Variants in KCNG1 observed in about 807,000 individuals in gnomAD.
KCNG1 encodes the protein potassium voltage-gated channel modifier subfamily G member 1.
KCNG1 carries 17 observed loss-of-function variants against 32.4 expected under a neutral mutation model. That is an observed-to-expected ratio of 0.52 (90% CI 0.36 to 0.79). The LOEUF is 0.79. Among genes scored for constraint, KCNG1 ranks in the 30% least tolerant of loss-of-function variants. The probability of loss-of-function intolerance (pLI) is 0.00; values close to 1 mark genes in which losing one functional copy is unlikely to be tolerated. For missense variants in KCNG1, 441 were observed against 735.2 expected, an observed-to-expected ratio of 0.60 and a Z score of 4.63; for synonymous variants, 358 against 339.9, an observed-to-expected ratio of 1.05 and a Z score of -0.59.
At chr20:51,008,961 A>T (rs1987946964) in intron 2 of KCNG1, among the ~76,000 whole-genome samples, 1 of 151,994 alleles carries the variant, frequency 6.6e-6, no homozygotes, top group Admixed American at 6.6e-5. Context: ...GCTCCCGTGA[A>T]CTCCCAGATG....
chr20:51,009,102 A>G (rs1987953613), intron 2 of KCNG1, among the ~76,000 whole-genome samples: 1 of 152,230 alleles, frequency 6.6e-6, no homozygotes, highest in African/African-American at 2.4e-5. Flanking sequence ...ATCAATAAAA[A>G]TTATCTTCAG....
In KCNG1 at chr20:51,015,392, G is replaced by C. The variant is rs1439274489; in HGVS notation, c.-26-5028C>G. ...AGAAGAAGCAGCTGGCAAAATCCAG[G>C]AGAGAGGGGGGAGATGGGTGTCTCC... On this transcript the variant is annotated intron_variant, in intron 1 of 2. Coordinates refer to ENST00000371571, the MANE Select transcript of KCNG1 (RefSeq NM_002237.4). This position sits in a 1 kb window ranked among gnomAD's most constrained non-coding sequence, Gnocchi z 4.4. 6.6e-6 allele frequency among the ~76,000 whole-genome samples: 1 copy of C among 152,198 alleles called. No individual in the cohort carries two copies. The highest frequency in any genetic ancestry group is 2.4e-5 in the African/African-American group (1 of 41,434).
intron 1 of KCNG1, 122 bp downstream of exon 1, chr20:51,022,748 C>A (rs1988527524): frequency 6.6e-6 from 1 of 152,264 alleles, no homozygotes; most frequent in South Asian, 2.1e-4. Flanking sequence ...GGTTTCGAGG[C>A]CCCCGCAGGG....
rs1345447090 is a variant in KCNG1, at chr20:51,004,228, G to A, written c.1353C>T (p.Leu451=). 4 of 1,614,016 alleles carry A rather than the reference G, an allele frequency of 2.5e-6. No homozygotes were observed. The highest frequency in any genetic ancestry group is 3.4e-6 in the Non-Finnish European group (4 of 1,180,022). The change falls in exon 3 of 3, where the codon CTC becomes CTT. Residue 451 remains leucine (L), a synonymous_variant. Coordinates refer to ENST00000371571, the MANE Select transcript of KCNG1 (RefSeq NM_002237.4). The surrounding 1 kb of genome is among the most constrained non-coding windows in gnomAD (Gnocchi z 4.3). ...AGATGGAGGTGACTGGGAAGGCCAT[G>A]AGCAGGATGCCGCTCAGGATGCTGC... is the stretch of plus-strand genomic sequence containing the variant. ...ALSSILSGIL[L]MAFPVTSIFH...
chr20:51,004,777 G>A lies in KCNG1; in HGVS notation c.804C>T (p.Val268=). 1 of 1,582,956 alleles carries A rather than the reference G, an allele frequency of 6.3e-7. No homozygotes were observed. The highest frequency in any genetic ancestry group is 8.6e-7 in the Non-Finnish European group (1 of 1,161,774). ...CCACGCACACCGACTCCACGATGAA[G>A]ACGTTGTGGCACATCTGGGAACAGT... is the stretch of plus-strand genomic sequence containing the variant. The part of the protein sequence containing the change: ...QGHCSQMCHN[V]FIVESVCVGW... The change falls in exon 3 of 3, where the codon GTC becomes GTT. Residue 268 remains valine, a synonymous_variant. Coordinates refer to ENST00000371571, the MANE Select transcript of KCNG1 (RefSeq NM_002237.4). This position sits in a 1 kb window ranked among gnomAD's most constrained non-coding sequence, Gnocchi z 4.3.
At chr20:51,007,758 C>A (rs1477579428) in intron 2 of KCNG1, among the ~76,000 whole-genome samples, 1 of 152,154 alleles carries the variant, frequency 6.6e-6, no homozygotes, top group East Asian at 1.9e-4. Flanking sequence ...ACAGTGTAAT[C>A]TTAGCACTTT....
rs17791052 is a variant in KCNG1 at position 51,004,669 on chromosome 20, G to A, written c.912C>T (p.Ile304=). ...AGTAGGGCAGGATGGCCACCAGGTC[G>A]ATCAGCGTCAGCGGGCTCCGCAGGA... ...FAFLRSPLTL[I]DLVAILPYYI... The change falls in exon 3 of 3, where the codon ATC becomes ATT. Residue 304 remains isoleucine (I), a synonymous_variant. Transcript: ENST00000371571. This position sits in a 1 kb window ranked among gnomAD's most constrained non-coding sequence, Gnocchi z 4.3. The A allele has an allele frequency of 2.5e-6, 4 of 1,602,996 alleles. No homozygotes were observed. The highest frequency in any genetic ancestry group is 2.2e-5 in the South Asian group (2 of 89,272).
At chr20:51,010,940 A>C (rs1988070797) in intron 1 of KCNG1, among the ~76,000 whole-genome samples, 1 of 151,714 alleles carries the variant, frequency 6.6e-6, no homozygotes, top group Middle Eastern at 3.2e-3. Flanking sequence ...AAAAAAAAGA[A>C]GAAGAGGAAG....
Position 51,010,204 on chromosome 20 carries a change from C to A in KCNG1, c.135G>T (p.Arg45=). 2 of 1,588,024 alleles carry A rather than the reference C, an allele frequency of 1.3e-6. No individual in the cohort carries two copies. Among genetic ancestry groups the A allele is most frequent in the Non-Finnish European group, 1.7e-6 (2 of 1,169,232 alleles). Residue 45 remains arginine, a synonymous_variant, in exon 2 of 3, where the codon CGG becomes CGT. Coordinates refer to ENST00000371571, the MANE Select transcript of KCNG1 (RefSeq NM_002237.4). The stretch of plus-strand genomic sequence containing the variant: ...GGCGGGGCTCATCCTGCGGCCGCAG[C>A]CGCTGCGCCCGGCGGTAGAACGCGC... ...IKGAFYRRAQ[R]LRPQDEPRQG...
intron 2 of KCNG1, among the ~76,000 whole-genome samples, chr20:51,007,425 A>T (rs984904464): frequency 1.3e-5 from 2 of 152,022 alleles, no homozygotes; most frequent in Non-Finnish European, 2.9e-5. Flanking sequence ...ACCTAAAGTG[A>T]TCCACCCGCC....
At position 51,009,649 on chromosome 20, in the gene KCNG1, G is replaced by C. The variant is rs1226183792; in HGVS notation, c.690C>G (p.Ala230=). ...CGGTCACGAAGAGCACCGACAGGCA[G>C]GCGAACACCTTGCCAGGCAGCCCCG... ...PHSGLPGKVF[A]CLSVLFVTVT... is the part of the protein sequence containing the mutation. Residue 230 remains alanine (A), a synonymous_variant, in exon 2 of 3, where the codon GCC becomes GCG. Transcript: ENST00000371571. The C allele has an allele frequency of 6.2e-7, 1 of 1,607,258 alleles. No homozygotes were observed. The highest frequency in any genetic ancestry group is 8.5e-7 in the Non-Finnish European group (1 of 1,179,264).
intron 2 of KCNG1, among the ~76,000 whole-genome samples, chr20:51,008,424 G>A (rs921211795): frequency 1.3e-5 from 2 of 152,158 alleles, no homozygotes; most frequent in African/African-American, 4.8e-5. Context: ...TTACCTCCCA[G>A]GCTCAAGCAA....
At position 51,010,210 on chromosome 20, in the gene KCNG1, C is replaced by T. The variant is rs1245527335; in HGVS notation, c.129G>A (p.Ala43=). The T allele has an allele frequency of 6.3e-7, 1 of 1,583,730 alleles. No homozygotes were observed. The change falls in exon 2 of 3, where the codon GCG becomes GCA. Residue 43 remains alanine, a synonymous_variant. Transcript: ENST00000371571. ...QAIKGAFYRR[A]QRLRPQDEPR... Reference sequence around the variant, plus strand: ...GCTCATCCTGCGGCCGCAGCCGCTGCGCCCGGCGGTAGAACGCGCCCTTGA... The same window carrying T: ...GCTCATCCTGCGGCCGCAGCCGCTGTGCCCGGCGGTAGAACGCGCCCTTGA...
intron 2 of KCNG1, 77 bp downstream of exon 2, chr20:51,009,488 C>T (rs372633725): frequency 2.1e-6 from 3 of 1,455,198 alleles, no homozygotes; most frequent in African/African-American, 2.8e-5. Flanking sequence ...TCAGAGGAGG[C>T]TTTCTGGAGG....
In KCNG1 at chr20:51,006,058, TG is replaced by T. The variant is rs550925281; in HGVS notation, c.775-1253del. 405 of 147,846 alleles carry T rather than the reference TG, an allele frequency of 2.7e-3. 2 individuals are homozygous for T. The highest frequency in any genetic ancestry group is 8.6e-3 in the African/African-American group (346 of 40,326). The allele number at this position is 147,846 out of a possible 1,614,324, so 9.2% of individuals were successfully genotyped here. On this transcript the variant is annotated intron_variant, in intron 2 of 2. Transcript: ENST00000371571. ...GGCTTGTGTCTCCTGCTTATGGTGA[TG>T]GGGGGGGTGGGTGGTGCCACTACTC...
At chr20:51,016,730 C>T (rs755687637) in intron 1 of KCNG1, among the ~76,000 whole-genome samples, 1 of 152,210 alleles carries the variant, frequency 6.6e-6, no homozygotes, top group Non-Finnish European at 1.5e-5. Flanking sequence ...CCATGCCTGA[C>T]GCTGAGTGAA....
intron 1 of KCNG1, among the ~76,000 whole-genome samples, chr20:51,019,729 C>T (rs1013451212): frequency 2.0e-5 from 3 of 152,020 alleles, no homozygotes; most frequent in Non-Finnish European, 4.4e-5. Flanking sequence ...GGGACCCGTC[C>T]GTCTCTCTCC....
chr20:51,004,525 G>T lies in KCNG1; in HGVS notation c.1056C>A (p.Tyr352Ter). Residue 352 changes from tyrosine to a stop codon, truncating the protein, a stop_gained, in exon 3 of 3, where the codon TAC (tyrosine) becomes TAA (stop). Transcript: ENST00000371571. LOFTEE classifies it high-confidence loss of function. This position sits in a 1 kb window ranked among gnomAD's most constrained non-coding sequence, Gnocchi z 4.3. ...LRVLRALRILYVMRLARHSLG... is the reference protein window; with the variant it reads ...LRVLRALRIL ...GGGAGTGGCGCGCCAGGCGCATCACGTACAGGATGCGCAGCGCCCGCAGCA... is the reference window on the plus strand; with the variant it reads ...GGGAGTGGCGCGCCAGGCGCATCACTTACAGGATGCGCAGCGCCCGCAGCA... The T allele has an allele frequency of 6.3e-7, 1 of 1,591,612 alleles. No homozygotes were observed. The highest frequency in any genetic ancestry group is 8.5e-7 in the Non-Finnish European group (1 of 1,170,032).
chr20:51,008,079 G>C (rs188609978), intron 2 of KCNG1: 1 of 152,118 alleles, frequency 6.6e-6, no homozygotes, highest in Non-Finnish European at 1.5e-5. Context: ...AGTTCACACC[G>C]CCATACCTAT....
Sources: gnomAD v4.1 joint callset for allele counts (sites outside exome capture counted in the v4.1 genomes callset) on GRCh38, gnomAD v4.1.1 for gene constraint, Gnocchi (gnomAD v3.1) non-coding constraint, MANE v1.5 for transcripts, NCBI Gene and HGNC (gene_info 2026-07-23, HGNC 2026-07-21) for gene names.